The following COL5A2 variants were observed in gnomAD, a reference collection of about 807,000 sequenced individuals.
COL5A2 encodes collagen type V alpha 2 chain.
A neutral mutation model predicts 208.2 loss-of-function variants in COL5A2; 23 were observed. That is an observed-to-expected ratio of 0.11 (90% confidence interval 0.08 to 0.16). The LOEUF (loss-of-function observed/expected upper bound fraction) is 0.16, where lower values mean the gene tolerates loss of function less well. Ranked by LOEUF, COL5A2 falls within the 10% of genes least tolerant of loss-of-function variation. The pLI is 1.00. For missense variants in COL5A2, 1,590 were observed against 1,956.4 expected (o/e 0.81, Z 3.53); for synonymous variants, 625 against 628.5 (o/e 0.99, Z 0.08).
the COL5A2 span, among the ~76,000 whole-genome samples, chr2:189,313,364 A>C: frequency 6.6e-6 from 1 of 152,206 alleles, no homozygotes; most frequent in Non-Finnish European, 1.5e-5. Context: ...TGAAGGAGAA[A>C]TAAGATCCTT....
intron 1 of COL5A2, among the ~76,000 whole-genome samples, chr2:189,137,423 A>G (rs894040822): frequency 2.0e-5 from 3 of 152,248 alleles, no homozygotes; most frequent in African/African-American, 4.8e-5. Flanking sequence ...TGTTCTGATC[A>G]CTATTGAAGA....
the COL5A2 span, among the ~76,000 whole-genome samples, chr2:189,339,780 T>C: frequency 6.6e-6 from 1 of 152,164 alleles, no homozygotes; most frequent in East Asian, 1.9e-4. Context: ...TGACATCTCA[T>C]TGTCCAGATG....
the COL5A2 span, among the ~76,000 whole-genome samples, chr2:189,275,294 A>T: frequency 1.3e-5 from 2 of 152,052 alleles, no homozygotes; most frequent in African/African-American, 4.8e-5. Context: ...GCATTAAATG[A>T]TTCTCATAAA....
the COL5A2 span, among the ~76,000 whole-genome samples, chr2:189,269,886 C>G: frequency 1.3e-5 from 2 of 151,964 alleles, no homozygotes; most frequent in East Asian, 3.9e-4. Flanking sequence ...TTGTAGTAGG[C>G]CATTAATTAC....
the COL5A2 span, among the ~76,000 whole-genome samples, chr2:189,271,098 T>C: frequency 2.0e-5 from 3 of 152,150 alleles, no homozygotes; most frequent in Non-Finnish European, 4.4e-5. Context: ...AATTTATATA[T>C]TCAGTGCTAT....
At chr2:189,439,446 C>A in the COL5A2 span, among the ~76,000 whole-genome samples, 4 of 152,144 alleles carry the variant, frequency 2.6e-5, no homozygotes, top group Non-Finnish European at 5.9e-5. Flanking sequence ...CTGAAAGGAA[C>A]ATGAACTGTG....
At chr2:189,337,104 C>T in the COL5A2 span, among the ~76,000 whole-genome samples, 1 of 152,054 alleles carries the variant, frequency 6.6e-6, no homozygotes, top group Non-Finnish European at 1.5e-5. Flanking sequence ...ATTAAATGAC[C>T]CCAGTGCACA....
Position 189,067,998 on chromosome 2 carries a change from C to T in COL5A2, c.1401+17G>A, listed in dbSNP as rs1235458189. ...TAGATTACACTAAAGGATGATAGTT[C>T]TTTCAAAGGTCATTACCGGTTGGCC... On this transcript the variant is annotated intron_variant, in intron 21 of 53. Transcript: ENST00000374866. 6.3e-7 allele frequency: 1 copy of T among 1,599,064 alleles called. No homozygotes were observed. Among genetic ancestry groups the T allele is most frequent in the Non-Finnish European group, 8.6e-7 (1 of 1,166,446 alleles).
the COL5A2 span, among the ~76,000 whole-genome samples, chr2:189,414,813 A>T: frequency 1.3e-5 from 2 of 151,468 alleles, no homozygotes; most frequent in Middle Eastern, 3.4e-3. Context: ...CTCCTCAATG[A>T]CTTTTCCTTA....
At chr2:189,299,127 C>T in the COL5A2 span, among the ~76,000 whole-genome samples, 1 of 151,966 alleles carries the variant, frequency 6.6e-6, no homozygotes, top group East Asian at 1.9e-4. Context: ...TGTATTAAAC[C>T]CACAGTTATT....
At chr2:189,042,293 A>C (rs1381880251) in intron 49 of COL5A2, among the ~76,000 whole-genome samples, 4 of 152,190 alleles carry the variant, frequency 2.6e-5, no homozygotes, top group Non-Finnish European at 4.4e-5. Flanking sequence ...TCATTTTATT[A>C]TTTACTTCCA....
chr2:189,132,566 G>A (rs892379476), intron 1 of COL5A2, among the ~76,000 whole-genome samples: 1 of 152,110 alleles, frequency 6.6e-6, no homozygotes, highest in African/African-American at 2.4e-5. Flanking sequence ...AAATCACAAT[G>A]TATAAGAAAA....
At chr2:189,266,918 A>G in the COL5A2 span, among the ~76,000 whole-genome samples, 1 of 151,904 alleles carries the variant, frequency 6.6e-6, no homozygotes. Flanking sequence ...AAATTCTTGG[A>G]CAGTTAACAT....
intron 1 of COL5A2, among the ~76,000 whole-genome samples, chr2:189,177,259 ATTTC>A (rs1183917179): frequency 6.6e-6 from 1 of 152,174 alleles, no homozygotes; most frequent in East Asian, 1.9e-4. Flanking sequence ...TGCCTCAGAT[ATTTC>A]TTTAATTTAA....
chr2:189,396,948 G>A, the COL5A2 span, among the ~76,000 whole-genome samples: 1 of 141,536 alleles, frequency 7.1e-6, no homozygotes, highest in Non-Finnish European at 1.5e-5. Context: ...CCAAGATCAT[G>A]CCACTGCACT....
the COL5A2 span, among the ~76,000 whole-genome samples, chr2:189,387,390 C>T: frequency 1.3e-5 from 2 of 152,044 alleles, no homozygotes; most frequent in Non-Finnish European, 2.9e-5. Flanking sequence ...ATGACAAGTT[C>T]GGTTATGCCC....
chr2:189,235,211 T>C, the COL5A2 span, among the ~76,000 whole-genome samples: 2 of 151,646 alleles, frequency 1.3e-5, no homozygotes, highest in Middle Eastern at 3.4e-3. Context: ...CTCAGTAGAG[T>C]TTCTGGCACA....
chr2:189,183,978 G>A (rs1379079832), upstream of COL5A2, among the ~76,000 whole-genome samples: 1 of 152,040 alleles, frequency 6.6e-6, no homozygotes, highest in Non-Finnish European at 1.5e-5. Flanking sequence ...AATATTTATT[G>A]AGGGTCTATT....
chr2:189,298,207 T>C, the COL5A2 span, among the ~76,000 whole-genome samples: 1 of 152,176 alleles, frequency 6.6e-6, no homozygotes, highest in Admixed American at 6.5e-5. Flanking sequence ...AGTGCCTTTT[T>C]GTTTGACTGG....
Sources: allele counts gnomAD v4.1 joint callset (sites outside exome capture counted in the v4.1 genomes callset), GRCh38; gene constraint gnomAD v4.1.1; transcripts MANE v1.5; gene names NCBI Gene and HGNC (gene_info 2026-07-23, HGNC 2026-07-21).